ZFHX3: variants seen among roughly 807,000 people sequenced by gnomAD.
The protein encoded by ZFHX3 is zinc finger homeobox 3, also known as zinc finger homeobox protein 3.
Under a neutral mutation model 279.1 loss-of-function variants are expected in ZFHX3, and 42 were observed. The observed-to-expected ratio is 0.15, with a 90% CI of 0.12 to 0.19. The LOEUF is 0.19. Among genes scored for constraint, ZFHX3 ranks in the 10% least tolerant of loss-of-function variants. The pLI is 1.00. For missense variants in ZFHX3, 4,981 were observed against 4,754.0 expected, an observed-to-expected ratio of 1.05 and a Z score of -1.40; for synonymous variants, 2,293 against 1,957.8, an observed-to-expected ratio of 1.17 and a Z score of -4.52.
At chr16:73,708,131 T>C (rs2053324090) in intron 1 of ZFHX3, among the ~76,000 whole-genome samples, 1 of 152,056 alleles carries the variant, frequency 6.6e-6, no homozygotes, top group African/African-American at 2.4e-5. Flanking sequence ...TGGTTGTGCA[T>C]GAGATTTGTA....
intron 1 of ZFHX3, among the ~76,000 whole-genome samples, chr16:73,701,302 T>A (rs937946392): frequency 2.0e-5 from 3 of 152,224 alleles, no homozygotes; most frequent in African/African-American, 7.2e-5. Context: ...TTAAGCAAAC[T>A]GGCAAATGTT....
Position 72,788,585 on chromosome 16 carries a change from G to A in ZFHX3, c.9691C>T (p.Gln3231Ter). 6.2e-7 allele frequency: 1 copy of A among 1,613,672 alleles called. No individual in the cohort carries two copies. The highest frequency in any genetic ancestry group is 1.7e-5 in the Admixed American group (1 of 60,000). Residue 3231 changes from glutamine (Q) to a stop codon, truncating the protein, a stop_gained, in exon 10 of 10, where the codon CAA (glutamine) becomes TAA (stop). Coordinates refer to ENST00000268489, the MANE Select transcript of ZFHX3 (RefSeq NM_006885.4). LOFTEE classifies it high-confidence loss of function. ...TPQLPLQQQQ[Q>*]RKDKDSEKVK... is the part of the protein sequence containing the mutation. ...TTCTCACTGTCTTTGTCCTTGCGTT[G>A]CTGCTGCTGTTGCAGTGGGAGCTGT... is the stretch of plus-strand genomic sequence containing the variant.
chr16:73,852,770 C>A (rs991355890), intron 1 of ZFHX3, among the ~76,000 whole-genome samples: 7 of 152,122 alleles, frequency 4.6e-5, no homozygotes, highest in Non-Finnish European at 1.0e-4. Context: ...ATCCTGTTGG[C>A]TAGGATTAGA....
intron 1 of ZFHX3, among the ~76,000 whole-genome samples, chr16:73,806,399 T>A (rs150096095): frequency 6.6e-6 from 1 of 152,176 alleles, no homozygotes; most frequent in South Asian, 2.1e-4. Context: ...GAACAAGAGA[T>A]CAGAGATGGA....
chr16:72,882,667 G>C (rs2038511860), intron 4 of ZFHX3, among the ~76,000 whole-genome samples: 1 of 152,156 alleles, frequency 6.6e-6, no homozygotes, highest in Non-Finnish European at 1.5e-5. Context: ...TGACAGCAGT[G>C]AAACAGCACT....
intron 2 of ZFHX3, among the ~76,000 whole-genome samples, chr16:73,628,619 T>A (rs770990878): frequency 6.6e-6 from 1 of 152,240 alleles, no homozygotes; most frequent in Non-Finnish European, 1.5e-5. Flanking sequence ...TAGATTTGAC[T>A]AAATTTGTAG....
intron 2 of ZFHX3, among the ~76,000 whole-genome samples, chr16:73,481,969 T>C (rs1231644860): frequency 1.3e-5 from 2 of 152,146 alleles, no homozygotes; most frequent in Non-Finnish European, 2.9e-5. Flanking sequence ...TCAAGTCCAG[T>C]GTAAGTAACA....
chr16:73,561,792 C>G (rs955068742), intron 2 of ZFHX3, among the ~76,000 whole-genome samples: 2 of 152,094 alleles, frequency 1.3e-5, no homozygotes, highest in Non-Finnish European at 2.9e-5. Context: ...GACAATAATA[C>G]TAATCAAAAG....
intron 1 of ZFHX3, among the ~76,000 whole-genome samples, chr16:73,750,005 C>T (rs752073992): frequency 2.6e-5 from 4 of 152,194 alleles, no homozygotes; most frequent in Non-Finnish European, 5.9e-5. Context: ...TGTATCTACT[C>T]ACCTGGCCAC....
intron 2 of ZFHX3, among the ~76,000 whole-genome samples, chr16:73,600,510 C>T (rs950669193): frequency 1.1e-4 from 17 of 151,662 alleles, no homozygotes; most frequent in Non-Finnish European, 1.8e-4. Context: ...CTCCACCTCC[C>T]GAGTTCAAGC....
At chr16:73,764,706 C>T (rs1160546687) in intron 1 of ZFHX3, among the ~76,000 whole-genome samples, 1 of 152,136 alleles carries the variant, frequency 6.6e-6, no homozygotes, top group Non-Finnish European at 1.5e-5. Flanking sequence ...AAAGAAAGAA[C>T]AGGTGGGAAA....
chr16:73,786,612 G>C (rs1959655196), intron 1 of ZFHX3, among the ~76,000 whole-genome samples: 1 of 152,136 alleles, frequency 6.6e-6, no homozygotes, highest in Non-Finnish European at 1.5e-5. Context: ...GGCAGGGGGG[G>C]CCAAAGAGGT....
At chr16:73,832,337 G>C (rs1256488037) in intron 1 of ZFHX3, among the ~76,000 whole-genome samples, 1 of 151,858 alleles carries the variant, frequency 6.6e-6, no homozygotes, top group Non-Finnish European at 1.5e-5. Context: ...GCTCACTTGG[G>C]GCTGCTTGGA....
At chr16:73,859,711 T>A (rs895782195) in intron 1 of ZFHX3, among the ~76,000 whole-genome samples, 1 of 152,042 alleles carries the variant, frequency 6.6e-6, no homozygotes, top group Non-Finnish European at 1.5e-5. Flanking sequence ...GGAGAAACGT[T>A]CTCTTTTAGC....
chr16:72,853,898 G>C (rs1597312481), intron 4 of ZFHX3, among the ~76,000 whole-genome samples: 1 of 151,928 alleles, frequency 6.6e-6, no homozygotes, highest in Non-Finnish European at 1.5e-5. Context: ...CTGCTGTCAA[G>C]GTGGCTGGAA....
chr16:73,497,593 C>A (rs1165246923), intron 2 of ZFHX3, among the ~76,000 whole-genome samples: 1 of 152,038 alleles, frequency 6.6e-6, no homozygotes, highest in Non-Finnish European at 1.5e-5. Flanking sequence ...TCACTTGAGC[C>A]CAGGGGGTCG....
chr16:73,662,005 A>AAT (rs2052790624), intron 2 of ZFHX3, among the ~76,000 whole-genome samples: 1 of 35,838 alleles, frequency 2.8e-5, no homozygotes, highest in African/African-American at 7.8e-5. Context: ...ACAACGGACC[A>AAT]ATTTTTTTTT....
chr16:73,677,493 G>C (rs1412962339), intron 2 of ZFHX3, among the ~76,000 whole-genome samples: 1 of 151,804 alleles, frequency 6.6e-6, no homozygotes, highest in East Asian at 1.9e-4. Context: ...TAGGAAAACA[G>C]AACAACTGGA....
chr16:73,658,582 C>A (rs2052747221), intron 2 of ZFHX3, among the ~76,000 whole-genome samples: 5 of 152,190 alleles, frequency 3.3e-5, no homozygotes, highest in Admixed American at 3.3e-4. Context: ...GGATTACAGG[C>A]ATGAGCCGCC....
Sources: allele counts gnomAD v4.1 joint callset (sites outside exome capture counted in the v4.1 genomes callset), GRCh38; gene constraint gnomAD v4.1.1; transcripts MANE v1.5; gene names NCBI Gene and HGNC (gene_info 2026-07-23, HGNC 2026-07-21).